ETS1: variants seen among roughly 807,000 people sequenced by gnomAD.
The protein encoded by ETS1 is protein C-ets-1.
ETS1 carries 15 observed loss-of-function variants against 58.6 expected under a neutral mutation model. That is an observed-to-expected ratio of 0.26 (90% confidence interval 0.17 to 0.39). ETS1 has a LOEUF of 0.39. Among genes scored for constraint, ETS1 ranks in the 10% least tolerant of loss-of-function variants. The pLI, the probability that ETS1 is intolerant of heterozygous loss-of-function variation, is 1.00. For synonymous variants in ETS1, 214 were observed against 218.2 expected (o/e 0.98, Z 0.17); for missense variants, 417 against 610.5 (o/e 0.68, Z 3.34).
chr11:128,513,270 C>T (rs1384481458), intron 3 of ETS1, among the ~76,000 whole-genome samples: 1 of 152,230 alleles, frequency 6.6e-6, no homozygotes, highest in African/African-American at 2.4e-5. Context: ...CAAGCCTTGG[C>T]TGTTTTAAAT....
chr11:128,500,816 G>A (rs1290289072), intron 3 of ETS1, among the ~76,000 whole-genome samples: 1 of 152,134 alleles, frequency 6.6e-6, no homozygotes, highest in Non-Finnish European at 1.5e-5. Flanking sequence ...ATCCACAGAG[G>A]AGTACTTGAT....
chr11:128,507,288 C>A (rs989953466), intron 3 of ETS1, among the ~76,000 whole-genome samples: 1 of 151,986 alleles, frequency 6.6e-6, no homozygotes, highest in Non-Finnish European at 1.5e-5. Context: ...GGAGAGGGAG[C>A]GGAGTGGGCA....
chr11:128,580,023 G>A (rs530452654), intron 1 of ETS1, among the ~76,000 whole-genome samples: 19 of 152,004 alleles, frequency 1.2e-4, no homozygotes, highest in Admixed American at 2.0e-4. Flanking sequence ...TGAGAGTAAG[G>A]ATGGTGTCTT....
rs573386163 is a variant in ETS1 at position 128,558,443 on chromosome 11, G to A, written c.70-2008C>T. On this transcript the variant is annotated intron_variant, in intron 2 of 9. Coordinates refer to ENST00000392668, the MANE Select transcript of ETS1 (RefSeq NM_001143820.2). ...GTGAATCACCTGAGGTCAGGAGTTC[G>A]AGACCAGCCTGGACAACATGGTGAA... Among the ~76,000 whole-genome samples, 24 of 152,230 alleles carry A rather than the reference G, an allele frequency of 1.6e-4. No individual in the cohort carries two copies. The East Asian group carries it at 3.3e-3, about 21-fold the overall frequency.
At chr11:128,580,525 A>T (rs1290931643) in intron 1 of ETS1, among the ~76,000 whole-genome samples, 1 of 152,274 alleles carries the variant, frequency 6.6e-6, no homozygotes, top group African/African-American at 2.4e-5. Flanking sequence ...TACAACGCAT[A>T]GAAAAGAAAA....
At chr11:128,552,235 A>G (rs1864241886) in intron 3 of ETS1, among the ~76,000 whole-genome samples, 1 of 152,178 alleles carries the variant, frequency 6.6e-6, no homozygotes. Context: ...ACCTGGGTCC[A>G]GCGTCTGGGT....
intron 3 of ETS1, among the ~76,000 whole-genome samples, chr11:128,513,575 T>C (rs745337579): frequency 6.6e-6 from 1 of 151,948 alleles, no homozygotes; most frequent in Admixed American, 6.6e-5. Flanking sequence ...CATTGCATTC[T>C]GTGCATTTAT....
chr11:128,471,061 C>T (rs1436791171), intron 8 of ETS1, among the ~76,000 whole-genome samples: 2 of 152,180 alleles, frequency 1.3e-5, no homozygotes, highest in Non-Finnish European at 2.9e-5. Flanking sequence ...TGTCCCTCAC[C>T]AAGTATTCTT....
chr11:128,584,888 A>G (rs1215547289), intron 1 of ETS1, among the ~76,000 whole-genome samples: 1 of 148,238 alleles, frequency 6.7e-6, no homozygotes, highest in African/African-American at 2.5e-5. Context: ...GAGAGAGAGA[A>G]GAAGAAGAAA....
At chr11:128,505,338 G>A (rs1422318613) in intron 3 of ETS1, 3 of 152,190 alleles carry the variant, frequency 2.0e-5, no homozygotes, top group Admixed American at 2.0e-4. Context: ...AATTAATGAA[G>A]CTATCTGTTG....
At chr11:128,574,191 C>T (rs2135583509) in intron 1 of ETS1, among the ~76,000 whole-genome samples, 1 of 152,236 alleles carries the variant, frequency 6.6e-6, no homozygotes, top group East Asian at 1.9e-4. Context: ...ACTATACTGC[C>T]TAAGGGCTAC....
At chr11:128,540,201 T>C (rs1048250167) in intron 3 of ETS1, among the ~76,000 whole-genome samples, 3 of 151,390 alleles carry the variant, frequency 2.0e-5, no homozygotes, top group Admixed American at 2.0e-4. Flanking sequence ...TTATCCCAGC[T>C]ACTCAGGAGT....
intron 1 of ETS1, among the ~76,000 whole-genome samples, chr11:128,577,517 C>T (rs1456909754): frequency 1.3e-5 from 2 of 152,318 alleles, no homozygotes; most frequent in Middle Eastern, 3.4e-3. Context: ...GATCCTAGGC[C>T]AGTATTGGAA....
intron 3 of ETS1, among the ~76,000 whole-genome samples, chr11:128,519,542 G>C (rs745612523): frequency 6.6e-6 from 1 of 152,196 alleles, no homozygotes; most frequent in Non-Finnish European, 1.5e-5. Flanking sequence ...ATGGTCTGAT[G>C]GGCAAGGCAA....
At chr11:128,550,690 G>C (rs1864215307) in intron 3 of ETS1, among the ~76,000 whole-genome samples, 1 of 152,136 alleles carries the variant, frequency 6.6e-6, no homozygotes, top group Non-Finnish European at 1.5e-5. Flanking sequence ...TGGAACCTCA[G>C]GTAGGGTTAC....
At chr11:128,530,848 C>T (rs1026457595) in intron 3 of ETS1, among the ~76,000 whole-genome samples, 1 of 152,174 alleles carries the variant, frequency 6.6e-6, no homozygotes, top group Non-Finnish European at 1.5e-5. Flanking sequence ...GATTCCACAG[C>T]ATTGAGAGAG....
intron 3 of ETS1, among the ~76,000 whole-genome samples, chr11:128,507,093 G>A (rs1436567653): frequency 6.6e-6 from 1 of 152,138 alleles, no homozygotes; most frequent in East Asian, 1.9e-4. Context: ...ACTGAGGAAG[G>A]TGCAGTCACA....
At position 128,466,932 on chromosome 11, in the gene ETS1, G is replaced by A. The variant is rs190763659; in HGVS notation, c.1124-3305C>T. Among the ~76,000 whole-genome samples, 577 of 152,216 alleles carry A rather than the reference G, an allele frequency of 3.8e-3. 5 individuals are homozygous for A. The highest frequency in any genetic ancestry group is 0.01 in the African/African-American group (423 of 41,534). ...ATGTCAGTTCCTGGCTCCCTCCCCC[G>A]ATTCCTGTAGAGAAACCCCACAGGC... is the stretch of plus-strand genomic sequence containing the variant. On this transcript the variant is annotated intron_variant, in intron 8 of 9. Coordinates refer to ENST00000392668, the MANE Select transcript of ETS1 (RefSeq NM_001143820.2).
chr11:128,571,158 G>A (rs1282346701), intron 2 of ETS1, among the ~76,000 whole-genome samples: 1 of 151,894 alleles, frequency 6.6e-6, no homozygotes, highest in Non-Finnish European at 1.5e-5. Flanking sequence ...GCTGGGCGCG[G>A]TGGCTCACGC....
Sources: gnomAD v4.1 joint callset for allele counts (sites outside exome capture counted in the v4.1 genomes callset) on GRCh38, gnomAD v4.1.1 for gene constraint, MANE v1.5 for transcripts, NCBI Gene and HGNC (gene_info 2026-07-23, HGNC 2026-07-21) for gene names.